PRDM11: variants seen among roughly 807,000 people sequenced by gnomAD.
PRDM11 encodes the protein PR domain-containing protein 11.
Under a neutral mutation model 97.8 loss-of-function variants are expected in PRDM11, and 20 were observed. The ratio of observed to expected loss-of-function variants is 0.20; its 90% CI spans 0.14 to 0.30. The LOEUF is 0.30. Ranked by LOEUF, PRDM11 falls within the 10% of genes least tolerant of loss-of-function variation. The probability of loss-of-function intolerance (pLI) is 1.00; values close to 1 mark genes in which losing one functional copy is unlikely to be tolerated. For missense variants in PRDM11, 1,139 were observed against 1,555.2 expected (o/e 0.73, Z 4.50); for synonymous variants, 599 against 637.7 (o/e 0.94, Z 0.91).
intron 6 of PRDM11, 56 bp from the exon 7 acceptor site, chr11:45,224,161 G>A (rs543217401): frequency 1.3e-6 from 2 of 1,517,092 alleles, no homozygotes; most frequent in Admixed American, 4.5e-5. Context: ...TTTTCTGTTG[G>A]TTTCTCCAAT....
chr11:45,107,967 C>G (rs1297889064), intron 1 of PRDM11, among the ~76,000 whole-genome samples: 1 of 151,826 alleles, frequency 6.6e-6, no homozygotes, highest in African/African-American at 2.4e-5. Flanking sequence ...GTAGCTGGGA[C>G]TACAGGTCTA....
chr11:45,096,032 G>A (rs773271012), intron 1 of PRDM11: 161 of 680,446 alleles, frequency 2.4e-4, no homozygotes, highest in Non-Finnish European at 3.5e-4. Context: ...ATTAAAGCCC[G>A]CATTGTCCTT....
Position 45,226,630 on chromosome 11 carries a change from C to T in PRDM11, c.2005C>T (p.Leu669=), listed in dbSNP as rs996731179. Residue 669 remains leucine (L), a synonymous_variant, in exon 8 of 8, where the codon CTG becomes TTG. Transcript: ENST00000683152. The stretch of plus-strand genomic sequence containing the variant: ...CATCCTGGATGGGCAGAGCGACGAC[C>T]TGCTGGCCGACACGGTGGCTGTCTA... ...SVILDGQSDD[L]LADTVAVYVQ... is the part of the protein sequence containing the mutation. The T allele has an allele frequency of 9.1e-6, 14 of 1,533,898 alleles. No homozygotes were observed. The highest frequency in any genetic ancestry group is 2.7e-5 in the African/African-American group (2 of 73,000).
In PRDM11 at chr11:45,224,328, G is replaced by C; in HGVS notation, c.854G>C (p.Arg285Pro). The change falls in exon 7 of 8, where the codon CGT becomes CCT. Residue 285 changes from arginine (R) to proline (P), a missense_variant. Arg to Pro is a moderately radical substitution (Grantham distance 103). This residue lies in a region of PRDM11 where 429 missense variants were observed against 510.3 expected (regional missense o/e 0.84). Coordinates refer to ENST00000683152, the MANE Select transcript of PRDM11 (RefSeq NM_001384648.1). ...AGACAGGGCAAAAGTCCCTACAAGCGTGGCTTTGATGAGGGGGATGTACAC... is the reference window on the plus strand; with the variant it reads ...AGACAGGGCAAAAGTCCCTACAAGCCTGGCTTTGATGAGGGGGATGTACAC... ...VLRQGKSPYK[R>P]GFDEGDVHPQ... is the part of the protein sequence containing the mutation. The C allele has an allele frequency of 6.2e-7, 1 of 1,614,174 alleles. No homozygotes were observed. Among genetic ancestry groups the C allele is most frequent in the Middle Eastern group, 1.6e-4 (1 of 6,062 alleles).
chr11:45,132,461 ATTATG>A, intron 1 of PRDM11, among the ~76,000 whole-genome samples: 1 of 152,248 alleles, frequency 6.6e-6, no homozygotes. Context: ...CTGGACATGT[ATTATG>A]TTATAATAAA....
At chr11:45,156,073 C>T (rs1389412189) in intron 1 of PRDM11, among the ~76,000 whole-genome samples, 1 of 152,188 alleles carries the variant, frequency 6.6e-6, no homozygotes, top group Non-Finnish European at 1.5e-5. Flanking sequence ...CTCTTTATCA[C>T]AGCATGGGAC....
intron 1 of PRDM11, among the ~76,000 whole-genome samples, chr11:45,148,228 C>CT (rs1289293808): frequency 1.3e-5 from 2 of 152,148 alleles, no homozygotes; most frequent in Non-Finnish European, 2.9e-5. Flanking sequence ...AAGGCTTTCT[C>CT]TCTTTGAATT....
intron 1 of PRDM11, among the ~76,000 whole-genome samples, chr11:45,098,982 T>C (rs935538279): frequency 6.6e-6 from 1 of 152,066 alleles, no homozygotes; most frequent in Non-Finnish European, 1.5e-5. Context: ...AATCAGATTC[T>C]GGAAAATGGC....
intron 1 of PRDM11, among the ~76,000 whole-genome samples, chr11:45,105,705 C>A (rs547232859): frequency 6.6e-6 from 1 of 152,236 alleles, no homozygotes; most frequent in Non-Finnish European, 1.5e-5. Flanking sequence ...GCCACAACAA[C>A]AATTGCCAGG....
Position 45,230,493 on chromosome 11 carries a change from T to C in PRDM11, c.*2334T>C, listed in dbSNP as rs934689556. On this transcript the variant is annotated 3_prime_UTR_variant, in exon 8 of 8. Coordinates refer to ENST00000683152, the MANE Select transcript of PRDM11 (RefSeq NM_001384648.1). ...CATCAGGGTCAAAACCTAACTGTGG[T>C]CAAATGGGATGCTGTTGCAAAGCAC... 6.6e-6 allele frequency: 1 copy of C among 152,246 alleles called. No individual in the cohort carries two copies. Among genetic ancestry groups the C allele is most frequent in the Admixed American group, 6.5e-5 (1 of 15,284 alleles). 9.4% of individuals were successfully genotyped at this position (152,246 alleles called of 1,614,324 possible). A position where few individuals can be genotyped will look rare whatever the true frequency, so the allele number is the denominator to read the frequency against.
In PRDM11 at chr11:45,165,083, C is replaced by G. The variant is rs966490025; in HGVS notation, c.-6-16678C>G. 3.3e-5 allele frequency among the ~76,000 whole-genome samples: 5 copies of G among 152,176 alleles called. No individual in the cohort carries two copies. In the East Asian group the frequency reaches 7.7e-4, roughly 23 times the overall value. ...ACGAAAGGCACAGAAGGTGAAATAACTTCTCCAGATCGCATAGTTAGTAAG... is the reference window on the plus strand; with the variant it reads ...ACGAAAGGCACAGAAGGTGAAATAAGTTCTCCAGATCGCATAGTTAGTAAG... On this transcript the variant is annotated intron_variant, in intron 1 of 7. Coordinates refer to ENST00000683152, the MANE Select transcript of PRDM11 (RefSeq NM_001384648.1).
chr11:45,133,538 C>T (rs1852765554), intron 1 of PRDM11, among the ~76,000 whole-genome samples: 1 of 152,208 alleles, frequency 6.6e-6, no homozygotes, highest in African/African-American at 2.4e-5. Context: ...ATGCCTGAAG[C>T]CTGACCCAGA....
At chr11:45,116,787 T>C (rs752531551) in intron 1 of PRDM11, among the ~76,000 whole-genome samples, 12 of 152,206 alleles carry the variant, frequency 7.9e-5, no homozygotes, top group Non-Finnish European at 1.3e-4. Context: ...AAATGGCTGA[T>C]TCTAGAACTG....
intron 5 of PRDM11, among the ~76,000 whole-genome samples, chr11:45,217,803 T>C (rs2135835732): frequency 6.6e-6 from 1 of 152,350 alleles, no homozygotes; most frequent in African/African-American, 2.4e-5. Flanking sequence ...CATACTGGAA[T>C]TGGCATTCGT....
intron 1 of PRDM11, among the ~76,000 whole-genome samples, chr11:45,147,173 T>C (rs1453856354): frequency 2.0e-5 from 3 of 151,634 alleles, no homozygotes; most frequent in Non-Finnish European, 4.4e-5. Context: ...GCTCCTCGCC[T>C]TGTTACAATG....
intron 5 of PRDM11, chr11:45,208,912 A>G: frequency 2.2e-6 from 1 of 455,792 alleles, no homozygotes; most frequent in Middle Eastern, 3.3e-4. Context: ...AGGAAGCCCA[A>G]GTTCTCCAAG....
intron 1 of PRDM11, among the ~76,000 whole-genome samples, chr11:45,107,991 G>A (rs1852092967): frequency 6.6e-6 from 1 of 152,024 alleles, no homozygotes. Context: ...CACCATGCCT[G>A]GCTAACTTAT....
chr11:45,224,405 G>A lies in PRDM11; in HGVS notation c.931G>A (p.Ala311Thr). The change falls in exon 7 of 8, where the codon GCC (alanine) becomes ACC (threonine). Residue 311 changes from alanine (A) to threonine (T), a missense_variant. Physicochemically the swap from Ala to Thr is moderately conservative, Grantham distance 58. Coordinates refer to ENST00000683152, the MANE Select transcript of PRDM11 (RefSeq NM_001384648.1). ...IDLIFKDVLE[A>T]SLESAKVEAH... ...CCTGATTTTCAAGGATGTTCTGGAG[G>A]CCTCACTGGAATCTGCGAAGGTGGA... The A allele has an allele frequency of 6.2e-7, 1 of 1,614,218 alleles. No individual in the cohort carries two copies. Among genetic ancestry groups the A allele is most frequent in the East Asian group, 2.2e-5 (1 of 44,880 alleles).
chr11:45,133,990 G>T (rs892614669), intron 1 of PRDM11, among the ~76,000 whole-genome samples: 1 of 152,182 alleles, frequency 6.6e-6, no homozygotes, highest in Non-Finnish European at 1.5e-5. Context: ...GCCAGCCTTT[G>T]CCCTCTGCAG....
Sources: allele counts gnomAD v4.1 joint callset (sites outside exome capture counted in the v4.1 genomes callset), GRCh38; gene constraint gnomAD v4.1.1; regional missense constraint gnomAD v4.1.1; transcripts MANE v1.5; gene names NCBI Gene and HGNC (gene_info 2026-07-23, HGNC 2026-07-21).